Variants in MEI4 observed in about 807,000 individuals in gnomAD.
MEI4 encodes meiotic double-stranded break formation protein 4.
In MEI4, 27 loss-of-function variants were observed where a neutral mutation model predicts 31.4. That is an observed-to-expected ratio of 0.86 (90% confidence interval 0.63 to 1.19). The LOEUF is 1.19. MEI4 is among the 50% of genes most tolerant of loss of function. The pLI is 0.00. For synonymous variants in MEI4, 122 were observed against 145.4 expected (o/e 0.84, Z 1.16); for missense variants, 329 against 398.9 (o/e 0.82, Z 1.49).
At position 77,874,838 on chromosome 6, in the gene MEI4, G is replaced by T. The variant is rs143331672; in HGVS notation, c.900+45776G>T. Among the ~76,000 whole-genome samples, 571 of 152,200 alleles carry T rather than the reference G, an allele frequency of 3.8e-3. 15 individuals are homozygous for T. Among genetic ancestry groups the T allele is most frequent in the East Asian group, 0.036 (185 of 5,186 alleles). On this transcript the variant is annotated intron_variant, in intron 4 of 4. Coordinates refer to ENST00000684080, the MANE Select transcript of MEI4 (RefSeq NM_001322247.2). ...GAAGAGTTGTTGAATTTTGTCAAAG[G>T]CCTTTTCTGCATCTATTGAGATAAT...
At chr6:77,755,368 T>C (rs902530554) in intron 2 of MEI4, among the ~76,000 whole-genome samples, 4 of 152,202 alleles carry the variant, frequency 2.6e-5, no homozygotes, top group Admixed American at 2.6e-4. Context: ...GGATCCAGTG[T>C]GTAAGAGGGA....
intron 4 of MEI4, among the ~76,000 whole-genome samples, chr6:77,829,403 T>G (rs2127711439): frequency 6.6e-6 from 1 of 152,296 alleles, no homozygotes; most frequent in East Asian, 1.9e-4. Context: ...GAGAGGATTC[T>G]AAATGGAGAG....
intron 3 of MEI4, among the ~76,000 whole-genome samples, chr6:77,801,244 T>C (rs1255661675): frequency 1.3e-5 from 2 of 152,230 alleles, no homozygotes; most frequent in Non-Finnish European, 2.9e-5. Flanking sequence ...TCAAGGAATT[T>C]ATCCATTTCT....
chr6:77,687,321 T>C (rs891828944), intron 1 of MEI4, among the ~76,000 whole-genome samples: 2 of 152,150 alleles, frequency 1.3e-5, no homozygotes, highest in Admixed American at 1.3e-4. Context: ...CTCTAATTAT[T>C]TGAGCATAAA....
At chr6:77,740,241 A>T (rs977274807) in intron 2 of MEI4, among the ~76,000 whole-genome samples, 12 of 152,198 alleles carry the variant, frequency 7.9e-5, no homozygotes, top group Non-Finnish European at 7.3e-5. Context: ...ATTTTAGAGT[A>T]TGTGCCATGT....
chr6:77,708,302 G>T (rs990721146), intron 2 of MEI4, among the ~76,000 whole-genome samples: 2 of 152,202 alleles, frequency 1.3e-5, no homozygotes, highest in African/African-American at 2.4e-5. Context: ...ATATCTGCCT[G>T]CTGGGTTTTA....
chr6:77,759,251 C>CT (rs1385280957), intron 2 of MEI4, among the ~76,000 whole-genome samples: 1 of 152,022 alleles, frequency 6.6e-6, no homozygotes, highest in Non-Finnish European at 1.5e-5. Context: ...TTCTTAATGA[C>CT]TGTTATGTCT....
chr6:77,679,415 T>C (rs1768909273), intron 1 of MEI4, among the ~76,000 whole-genome samples: 1 of 152,358 alleles, frequency 6.6e-6, no homozygotes. Flanking sequence ...GTGTTACAGT[T>C]GCCTACAGTA....
At chr6:77,716,846 C>T (rs1766592002) in intron 2 of MEI4, 3 of 981,336 alleles carry the variant, frequency 3.1e-6, no homozygotes, top group Admixed American at 6.2e-5. Context: ...AATGAGGAAA[C>T]AGATGAGATG....
intron 4 of MEI4, among the ~76,000 whole-genome samples, chr6:77,912,748 A>G (rs1423872440): frequency 2.6e-5 from 4 of 152,124 alleles, no homozygotes; most frequent in African/African-American, 7.2e-5. Flanking sequence ...TCATTTGCCT[A>G]AAGGAACAGT....
At chr6:77,802,043 T>C (rs1244435618) in intron 3 of MEI4, among the ~76,000 whole-genome samples, 2 of 152,164 alleles carry the variant, frequency 1.3e-5, no homozygotes, top group Non-Finnish European at 2.9e-5. Context: ...TTCTGTCTCG[T>C]TGATCTGTCT....
Position 77,654,652 on chromosome 6 carries a change from T to C in MEI4, c.-15+1560T>C, listed in dbSNP as rs181450747. 1.4e-3 allele frequency among the ~76,000 whole-genome samples: 213 copies of C among 151,426 alleles called. 1 individual carries two copies. Among genetic ancestry groups the C allele is most frequent in the African/African-American group, 3.1e-3 (129 of 41,102 alleles). On this transcript the variant is annotated intron_variant, in intron 1 of 4. Transcript: ENST00000684080. ...TGCATTTTGGAAATACAGCAAGATA[T>C]ATTGAAATGCAATATTTTTTCGTTG...
Position 77,830,790 on chromosome 6 carries a change from A to T in MEI4, c.900+1728A>T, listed in dbSNP as rs144047005. Among the ~76,000 whole-genome samples the T allele has an allele frequency of 1.4e-3, 213 of 152,224 alleles. 1 individual carries two copies. The highest frequency in any genetic ancestry group is 4.5e-3 in the African/African-American group (187 of 41,578). On this transcript the variant is annotated intron_variant, in intron 4 of 4. Transcript: ENST00000684080. ...AGTCTTAAATGTAAGATCTGAAACT[A>T]TGCAACTACTAGAAGAAAACACTGG...
chr6:77,705,748 G>C (rs934215729), intron 2 of MEI4, among the ~76,000 whole-genome samples: 1 of 152,094 alleles, frequency 6.6e-6, no homozygotes, highest in African/African-American at 2.4e-5. Context: ...GTCAGTGGTG[G>C]TTTTTTCACA....
Position 77,923,409 on chromosome 6 carries a change from T to G in MEI4, c.*63T>G. The G allele has an allele frequency of 8.6e-7, 1 of 1,163,724 alleles. No individual in the cohort carries two copies. The highest frequency in any genetic ancestry group is 1.1e-6 in the Non-Finnish European group (1 of 927,322). 72.1% of individuals were successfully genotyped at this position (1,163,724 alleles called of 1,614,324 possible). On this transcript the variant is annotated 3_prime_UTR_variant, in exon 5 of 5. Transcript: ENST00000684080. The stretch of plus-strand genomic sequence containing the variant: ...TAAAGTAGAATATATGAAAATCTCA[T>G]ACTGAAAAGATTTTCAATAGTATTT...
intron 2 of MEI4, among the ~76,000 whole-genome samples, chr6:77,699,980 G>A (rs915773960): frequency 2.6e-5 from 4 of 152,200 alleles, no homozygotes; most frequent in African/African-American, 9.7e-5. Flanking sequence ...GGCGTACCCG[G>A]CAGTGTGAGG....
At chr6:77,751,337 G>T (rs976062057) in intron 2 of MEI4, among the ~76,000 whole-genome samples, 1 of 151,666 alleles carries the variant, frequency 6.6e-6, no homozygotes, top group Non-Finnish European at 1.5e-5. Flanking sequence ...TCCAGGAGGT[G>T]GTTTGAAAAG....
At chr6:77,731,348 T>C (rs1256603609) in intron 2 of MEI4, among the ~76,000 whole-genome samples, 23 of 145,108 alleles carry the variant, frequency 1.6e-4, no homozygotes, top group South Asian at 4.4e-4. Flanking sequence ...TATCTCATTG[T>C]GGTTTTGATT....
intron 3 of MEI4, among the ~76,000 whole-genome samples, chr6:77,771,018 A>C (rs1033581800): frequency 6.6e-6 from 1 of 152,186 alleles, no homozygotes; most frequent in Non-Finnish European, 1.5e-5. Context: ...AGGAAGGGAG[A>C]AAATATTTTC....
Sources: allele counts gnomAD v4.1 joint callset (sites outside exome capture counted in the v4.1 genomes callset), GRCh38; gene constraint gnomAD v4.1.1; transcripts MANE v1.5; gene names NCBI Gene and HGNC (gene_info 2026-07-23, HGNC 2026-07-21).